Variants in IL1RAPL1 observed in about 807,000 individuals in gnomAD.
IL1RAPL1 encodes the protein interleukin-1 receptor accessory protein-like 1.
IL1RAPL1 carries 3 observed loss-of-function variants against 48.4 expected under a neutral mutation model. That is an observed-to-expected ratio of 0.06 (90% CI 0.03 to 0.16). The LOEUF is 0.16. Among genes scored for constraint, IL1RAPL1 ranks in the 10% least tolerant of loss-of-function variants. IL1RAPL1 has a pLI of 1.00. For synonymous variants in IL1RAPL1, 185 were observed against 187.7 expected (o/e 0.99, Z 0.12); for missense variants, 349 against 530.6 (o/e 0.66, Z 3.36).
chrX:29,114,982 A>G (rs1169429119), intron 2 of IL1RAPL1, among the ~76,000 whole-genome samples: 1 of 111,775 alleles, frequency 8.9e-6, no homozygotes, highest in East Asian at 2.8e-4. Context: ...ACTTTCTACT[A>G]TAAATATTAC....
At chrX:29,525,580 C>CT (rs1262904126) in intron 5 of IL1RAPL1, among the ~76,000 whole-genome samples, 1 of 111,535 alleles carries the variant, frequency 9.0e-6, no homozygotes, top group East Asian at 2.8e-4. Context: ...GTTGAATAAG[C>CT]TTTTTGTCTT....
intron 1 of IL1RAPL1, among the ~76,000 whole-genome samples, chrX:28,730,711 A>C (rs1935744529): frequency 8.9e-6 from 1 of 111,931 alleles, no homozygotes; most frequent in African/African-American, 3.2e-5. Context: ...ATTTATTTAT[A>C]GGTGCCAGTT....
chrX:29,644,705 T>G (rs753592828), intron 5 of IL1RAPL1, among the ~76,000 whole-genome samples: 1 of 112,090 alleles, frequency 8.9e-6, no homozygotes, highest in Non-Finnish European at 1.9e-5. Context: ...TAGCTGGGAC[T>G]ACAGGCATGC....
intron 5 of IL1RAPL1, among the ~76,000 whole-genome samples, chrX:29,562,560 T>G (rs763635204): frequency 9.0e-6 from 1 of 111,702 alleles, no homozygotes; most frequent in Non-Finnish European, 1.9e-5. Flanking sequence ...ATATTAACAT[T>G]AATGGGATGT....
At chrX:29,390,671 G>C (rs1483944072) in intron 3 of IL1RAPL1, among the ~76,000 whole-genome samples, 1 of 111,362 alleles carries the variant, frequency 9.0e-6, no homozygotes, top group Non-Finnish European at 1.9e-5. Flanking sequence ...TCGTACATAG[G>C]GCATGTGATT....
intron 2 of IL1RAPL1, among the ~76,000 whole-genome samples, chrX:28,950,837 G>T (rs760165170): frequency 2.8e-5 from 3 of 108,622 alleles, no homozygotes; most frequent in African/African-American, 1.0e-4. Flanking sequence ...GTTTATTGCG[G>T]CACTATTCAC....
At chrX:28,832,072 C>T (rs73631606) in intron 2 of IL1RAPL1, among the ~76,000 whole-genome samples, 2,992 of 111,007 alleles carry the variant, frequency 0.027, 101 homozygotes, top group African/African-American at 0.092. Context: ...TTAGCAAATT[C>T]ATCACCACAA....
chrX:29,252,137 G>A (rs773986111), intron 2 of IL1RAPL1, among the ~76,000 whole-genome samples: 2 of 105,306 alleles, frequency 1.9e-5, no homozygotes, highest in Middle Eastern at 4.8e-3. Context: ...AGGGGGGAGG[G>A]ATAGCTTTAG....
chrX:29,844,583 C>A (rs1931207655), intron 6 of IL1RAPL1, among the ~76,000 whole-genome samples: 1 of 111,539 alleles, frequency 9.0e-6, no homozygotes, highest in Non-Finnish European at 1.9e-5. Flanking sequence ...AAAAACAAAA[C>A]AATAAAAACA....
intron 5 of IL1RAPL1, among the ~76,000 whole-genome samples, chrX:29,428,011 A>G (rs1934370408): frequency 8.9e-6 from 1 of 112,233 alleles, no homozygotes; most frequent in Non-Finnish European, 1.9e-5. Context: ...GAGCAAGGGC[A>G]GTTAGCTTGT....
At chrX:29,415,937 T>C (rs1379052167) in intron 5 of IL1RAPL1, among the ~76,000 whole-genome samples, 2 of 112,205 alleles carry the variant, frequency 1.8e-5, no homozygotes, top group African/African-American at 3.2e-5. Flanking sequence ...GAATCAACAA[T>C]TGAGTCACTG....
chrX:29,672,639 A>T (rs951887873), intron 6 of IL1RAPL1, among the ~76,000 whole-genome samples: 2 of 111,490 alleles, frequency 1.8e-5, no homozygotes, highest in African/African-American at 6.5e-5. Context: ...TCCAGATTCT[A>T]TGTTTCTTAA....
intron 2 of IL1RAPL1, among the ~76,000 whole-genome samples, chrX:29,168,557 A>G (rs1415154810): frequency 3.1e-5 from 3 of 95,691 alleles, no homozygotes; most frequent in African/African-American, 1.1e-4. Flanking sequence ...ATTCAATTGT[A>G]TATATATATA....
At chrX:29,080,004 C>T (rs759860139) in intron 2 of IL1RAPL1, among the ~76,000 whole-genome samples, 1 of 111,475 alleles carries the variant, frequency 9.0e-6, no homozygotes, top group East Asian at 2.8e-4. Flanking sequence ...TGTTCCTATT[C>T]TAGGAAAGGT....
chrX:28,779,630 G>GTA (rs55850528), intron 1 of IL1RAPL1, among the ~76,000 whole-genome samples: 18 of 61,126 alleles, frequency 2.9e-4, no homozygotes, highest in African/African-American at 3.3e-4. Flanking sequence ...GTGTGTGTGT[G>GTA]TGTGTATATA....
chrX:29,445,623 G>A (rs1014667961), intron 5 of IL1RAPL1, among the ~76,000 whole-genome samples: 2 of 111,933 alleles, frequency 1.8e-5, no homozygotes, highest in Admixed American at 9.5e-5. Flanking sequence ...AGAGATAGTT[G>A]TTACAAGAGA....
At chrX:28,661,917 A>G (rs1358765150) in intron 1 of IL1RAPL1, among the ~76,000 whole-genome samples, 2 of 111,776 alleles carry the variant, frequency 1.8e-5, no homozygotes, top group Non-Finnish European at 3.8e-5. Context: ...GCATAAGAGT[A>G]GCAAATACTG....
chrX:28,798,395 C>T (rs1225726216), intron 2 of IL1RAPL1, among the ~76,000 whole-genome samples: 1 of 111,614 alleles, frequency 9.0e-6, no homozygotes, highest in African/African-American at 3.3e-5. Context: ...TCTTACAGTT[C>T]TTGAGGTTCT....
At chrX:28,883,244 T>A (rs1922549306) in intron 2 of IL1RAPL1, among the ~76,000 whole-genome samples, 1 of 111,976 alleles carries the variant, frequency 8.9e-6, no homozygotes, top group African/African-American at 3.2e-5. Context: ...TTTGTATAAA[T>A]GAAGTAGTAT....
Sources: gnomAD v4.1 joint callset for allele counts (sites outside exome capture counted in the v4.1 genomes callset) on GRCh38, gnomAD v4.1.1 for gene constraint, MANE v1.5 for transcripts, NCBI Gene and HGNC (gene_info 2026-07-23, HGNC 2026-07-21) for gene names.